Variants in PITPNC1 observed in about 807,000 individuals in gnomAD.
PITPNC1 encodes phosphatidylinositol transfer protein cytoplasmic 1, also known as cytoplasmic phosphatidylinositol transfer protein 1.
In PITPNC1, 18 loss-of-function variants were observed where a neutral mutation model predicts 44.7. That is an observed-to-expected ratio of 0.40 (90% CI 0.28 to 0.60). The LOEUF (loss-of-function observed/expected upper bound fraction) is 0.60. PITPNC1 is among the 20% of genes least tolerant of loss of function. The pLI is 0.39. For synonymous variants in PITPNC1, 141 were observed against 149.6 expected, an observed-to-expected ratio of 0.94 and a Z score of 0.42; for missense variants, 290 against 418.4, an observed-to-expected ratio of 0.69 and a Z score of 2.68.
At chr17:67,628,723 GGCCTGCAGCACGCAGT>G (rs894774052) in intron 5 of PITPNC1, among the ~76,000 whole-genome samples, 2 of 152,308 alleles carry the variant, frequency 1.3e-5, no homozygotes, top group African/African-American at 4.8e-5. Flanking sequence ...GCCAGTGCAA[GGCCTGCAGCACGCAGT>G]GCCTGCAGCA....
At chr17:67,486,830 A>G (rs970870566) in intron 1 of PITPNC1, among the ~76,000 whole-genome samples, 1 of 151,992 alleles carries the variant, frequency 6.6e-6, no homozygotes, top group Non-Finnish European at 1.5e-5. Flanking sequence ...TGCATTCAAG[A>G]GTATTGTGGA....
At chr17:67,580,274 ACT>A (rs1224446729) in intron 5 of PITPNC1, among the ~76,000 whole-genome samples, 1 of 152,070 alleles carries the variant, frequency 6.6e-6, no homozygotes, top group Non-Finnish European at 1.5e-5. Context: ...GTAGCTGTGG[ACT>A]CTCATGAAAA....
At chr17:67,515,134 C>G (rs1469167282) in intron 1 of PITPNC1, among the ~76,000 whole-genome samples, 1 of 152,124 alleles carries the variant, frequency 6.6e-6, no homozygotes, top group Non-Finnish European at 1.5e-5. Flanking sequence ...ACCTTCATTC[C>G]GCTGTTGCTA....
chr17:67,581,964 C>T (rs910199141), intron 5 of PITPNC1, among the ~76,000 whole-genome samples: 3 of 151,984 alleles, frequency 2.0e-5, no homozygotes, highest in African/African-American at 7.3e-5. Flanking sequence ...ACCCGGGAGG[C>T]AGAGGTTGCC....
At chr17:67,571,017 G>T (rs1405643792) in intron 4 of PITPNC1, among the ~76,000 whole-genome samples, 1 of 152,178 alleles carries the variant, frequency 6.6e-6, no homozygotes, top group Non-Finnish European at 1.5e-5. Context: ...CTCAGAGTCG[G>T]TGATGCTTTA....
At position 67,433,531 on chromosome 17, in the gene PITPNC1, G is replaced by C. The variant is rs139120728; in HGVS notation, c.48+55329G>C. On this transcript the variant is annotated intron_variant, in intron 1 of 8. Transcript: ENST00000581322. ...AGGAGGGCGGATCCCTTGAGGCTAG[G>C]AATTCCAGAGCAGCCTGGGCAACAT... Among the ~76,000 whole-genome samples the C allele has an allele frequency of 9.7e-3, 1,470 of 152,278 alleles. 24 individuals are homozygous for C. The highest frequency in any genetic ancestry group is 0.014 in the Non-Finnish European group (924 of 68,018).
intron 1 of PITPNC1, among the ~76,000 whole-genome samples, chr17:67,442,221 A>G (rs1186468585): frequency 2.2e-5 from 2 of 92,250 alleles, no homozygotes; most frequent in African/African-American, 1.1e-4. Flanking sequence ...ATATATATAT[A>G]TATATATATA....
intron 4 of PITPNC1, among the ~76,000 whole-genome samples, chr17:67,574,117 T>G (rs1165031908): frequency 1.3e-5 from 2 of 152,096 alleles, no homozygotes; most frequent in Non-Finnish European, 2.9e-5. Flanking sequence ...TGTGCTGGGG[T>G]TTAGCTGTGT....
intron 4 of PITPNC1, among the ~76,000 whole-genome samples, chr17:67,559,708 G>A (rs899165423): frequency 6.6e-6 from 1 of 152,126 alleles, no homozygotes; most frequent in African/African-American, 2.4e-5. Context: ...CCAACATGGT[G>A]AAACCTTGTC....
chr17:67,598,137 G>A (rs1412846356), intron 5 of PITPNC1, among the ~76,000 whole-genome samples: 2 of 152,058 alleles, frequency 1.3e-5, no homozygotes, highest in African/African-American at 2.4e-5. Flanking sequence ...CAGGAGAATC[G>A]CTTGAACCAG....
chr17:67,417,199 A>G (rs1175695075), intron 1 of PITPNC1, among the ~76,000 whole-genome samples: 1 of 152,096 alleles, frequency 6.6e-6, no homozygotes, highest in South Asian at 2.1e-4. Context: ...TGGCATGATC[A>G]TAGCTCACTG....
chr17:67,464,061 C>T (rs950940317), intron 1 of PITPNC1, among the ~76,000 whole-genome samples: 3 of 152,008 alleles, frequency 2.0e-5, no homozygotes, highest in Admixed American at 2.0e-4. Context: ...GGTACAGTGG[C>T]TCGTGCCTGT....
intron 8 of PITPNC1, among the ~76,000 whole-genome samples, chr17:67,691,255 T>G (rs1050424628): frequency 9.2e-5 from 14 of 152,326 alleles, no homozygotes; most frequent in African/African-American, 3.4e-4. Flanking sequence ...CAACATATTA[T>G]GTCTCAAATG....
intron 1 of PITPNC1, among the ~76,000 whole-genome samples, chr17:67,413,000 G>A (rs1162730185): frequency 6.6e-6 from 1 of 152,036 alleles, no homozygotes; most frequent in Admixed American, 6.6e-5. Flanking sequence ...TAATACCTTC[G>A]GTGTTTTTGA....
chr17:67,685,760 G>C (rs994429341), intron 8 of PITPNC1, among the ~76,000 whole-genome samples: 1 of 152,134 alleles, frequency 6.6e-6, no homozygotes, highest in African/African-American at 2.4e-5. Context: ...TTTGAAGTGA[G>C]ACTAATTGTT....
At chr17:67,580,649 A>AT (rs2041217652) in intron 5 of PITPNC1, among the ~76,000 whole-genome samples, 2 of 152,186 alleles carry the variant, frequency 1.3e-5, no homozygotes, top group African/African-American at 4.8e-5. Flanking sequence ...CTGGAAAAAA[A>AT]TTTTTTAAAT....
At chr17:67,554,787 A>G (rs773115798) in intron 4 of PITPNC1, among the ~76,000 whole-genome samples, 12 of 152,228 alleles carry the variant, frequency 7.9e-5, no homozygotes, top group Non-Finnish European at 1.6e-4. Context: ...TTGGCGTCAG[A>G]AAGGCTTGGC....
At chr17:67,391,670 G>A (rs2038141240) in intron 1 of PITPNC1, among the ~76,000 whole-genome samples, 1 of 152,022 alleles carries the variant, frequency 6.6e-6, no homozygotes, top group African/African-American at 2.4e-5. Flanking sequence ...TAGTAGAGAT[G>A]GGGTTTCACC....
At chr17:67,502,671 C>G (rs1268420513) in intron 1 of PITPNC1, among the ~76,000 whole-genome samples, 1 of 152,066 alleles carries the variant, frequency 6.6e-6, no homozygotes, top group Non-Finnish European at 1.5e-5. Flanking sequence ...TTGAGAGGAT[C>G]TGACAGGGAG....
Sources: gnomAD v4.1 joint callset for allele counts (sites outside exome capture counted in the v4.1 genomes callset) on GRCh38, gnomAD v4.1.1 for gene constraint, MANE v1.5 for transcripts, NCBI Gene and HGNC (gene_info 2026-07-23, HGNC 2026-07-21) for gene names.